The following KLHL4 variants were observed in gnomAD, a reference collection of about 807,000 sequenced individuals.
The protein encoded by KLHL4 is kelch-like protein 4.
Under a neutral mutation model 45.8 loss-of-function variants are expected in KLHL4, and 17 were observed. That is an observed-to-expected ratio of 0.37 (90% CI 0.25 to 0.56). The LOEUF (loss-of-function observed/expected upper bound fraction) is 0.56. KLHL4 is among the 20% of genes least tolerant of loss of function. The pLI, the probability that KLHL4 is intolerant of heterozygous loss-of-function variation, is 0.79. For synonymous variants in KLHL4, 224 were observed against 189.9 expected (o/e 1.18, Z -1.47); for missense variants, 544 against 544.9 (o/e 1.00, Z 0.02).
In KLHL4 at chrX:87,569,186, T is replaced by C. The variant is rs192736159; in HGVS notation, c.423-44691T>C. Among the ~76,000 whole-genome samples the C allele has an allele frequency of 3.2e-4, 36 of 111,721 alleles. No homozygotes were observed. In the East Asian group the frequency reaches 3.4e-3, roughly 11 times the overall value. On this transcript the variant is annotated intron_variant, in intron 1 of 10. Transcript: ENST00000373119. Reference sequence around the variant, plus strand: ...AGGATTCATTTCTTCAACGAAGATATACAAATGAGCAACAAGCACATTTAA... The same window carrying C: ...AGGATTCATTTCTTCAACGAAGATACACAAATGAGCAACAAGCACATTTAA...
At chrX:87,562,426 C>G (rs1035199469) in intron 1 of KLHL4, among the ~76,000 whole-genome samples, 3 of 110,320 alleles carry the variant, frequency 2.7e-5, no homozygotes, top group Admixed American at 9.7e-5. Context: ...TCACTACCTG[C>G]TGACTAAAAA....
At chrX:87,620,091 G>T (rs1922699344) in intron 4 of KLHL4, among the ~76,000 whole-genome samples, 1 of 111,245 alleles carries the variant, frequency 9.0e-6, no homozygotes. Flanking sequence ...ACCCAGTCAA[G>T]TTCATACATA....
intron 1 of KLHL4, among the ~76,000 whole-genome samples, chrX:87,602,420 A>G (rs766576638): frequency 9.0e-6 from 1 of 111,604 alleles, no homozygotes; most frequent in Admixed American, 9.5e-5. Context: ...TTCACAGTAA[A>G]TGTCCAATAT....
At chrX:87,533,936 G>A (rs714536) in intron 1 of KLHL4, among the ~76,000 whole-genome samples, 28,543 of 109,677 alleles carry the variant, frequency 0.26, 3,104 homozygotes, top group East Asian at 0.54. Flanking sequence ...ATTGAAACCA[G>A]GTTATTAAGT....
At chrX:87,607,986 C>A (rs151052158) in intron 1 of KLHL4, among the ~76,000 whole-genome samples, 733 of 111,485 alleles carry the variant, frequency 6.6e-3, no homozygotes, top group Non-Finnish European at 0.011. Context: ...ATAGGTATCA[C>A]CAACTTGATA....
intron 1 of KLHL4, among the ~76,000 whole-genome samples, chrX:87,573,862 T>C (rs777435241): frequency 9.0e-4 from 101 of 111,783 alleles, no homozygotes; most frequent in African/African-American, 3.1e-3. Context: ...TTTGTCTTCA[T>C]AGGTATAACA....
intron 1 of KLHL4, among the ~76,000 whole-genome samples, chrX:87,528,133 T>A (rs907288567): frequency 5.4e-5 from 6 of 111,230 alleles, no homozygotes; most frequent in Non-Finnish European, 1.1e-4. Context: ...TTCAAACAAA[T>A]GATTCAGAAA....
chrX:87,600,350 G>A (rs1053981124), intron 1 of KLHL4, among the ~76,000 whole-genome samples: 4 of 110,845 alleles, frequency 3.6e-5, no homozygotes, highest in Non-Finnish European at 7.6e-5. Context: ...CGGGCGTGGT[G>A]GCGGGCACCT....
At chrX:87,600,470 G>A (rs1347298822) in intron 1 of KLHL4, among the ~76,000 whole-genome samples, 5 of 85,432 alleles carry the variant, frequency 5.9e-5, no homozygotes, top group African/African-American at 2.3e-4. Flanking sequence ...GCGACAGAAC[G>A]AGACTTCGTC....
At chrX:87,644,521 G>A (rs1274955311) in intron 9 of KLHL4, among the ~76,000 whole-genome samples, 1 of 110,531 alleles carries the variant, frequency 9.0e-6, no homozygotes, top group Non-Finnish European at 1.9e-5. Flanking sequence ...CACCAAAATA[G>A]CACCATTATT....
At chrX:87,543,690 C>T (rs1931614018) in intron 1 of KLHL4, among the ~76,000 whole-genome samples, 2 of 111,470 alleles carry the variant, frequency 1.8e-5, no homozygotes, top group Admixed American at 9.5e-5. Context: ...GGGGAATCAT[C>T]AGTCCCAGGG....
At chrX:87,546,854 C>A (rs1931694687) in intron 1 of KLHL4, among the ~76,000 whole-genome samples, 1 of 112,871 alleles carries the variant, frequency 8.9e-6, no homozygotes, top group African/African-American at 3.2e-5. Context: ...GACTGCCCTG[C>A]TGGATTTCAG....
chrX:87,630,528 A>G (rs1923064257), intron 6 of KLHL4, among the ~76,000 whole-genome samples: 1 of 111,561 alleles, frequency 9.0e-6, no homozygotes, highest in Admixed American at 9.6e-5. Context: ...TACTATATAG[A>G]TGTAAAAAAT....
intron 1 of KLHL4, among the ~76,000 whole-genome samples, chrX:87,579,267 G>T (rs1241742901): frequency 9.0e-6 from 1 of 111,084 alleles, no homozygotes; most frequent in Non-Finnish European, 1.9e-5. Context: ...ATACACAGCA[G>T]TACAGAGAAA....
chrX:87,615,064 A>T (rs5922466), intron 3 of KLHL4, among the ~76,000 whole-genome samples: 41,946 of 110,011 alleles, frequency 0.38, 6,139 homozygotes, highest in Middle Eastern at 0.47. Flanking sequence ...AGAATGATTA[A>T]TTCATCCTCA....
intron 1 of KLHL4, among the ~76,000 whole-genome samples, chrX:87,595,771 A>G (rs1921821911): frequency 9.0e-6 from 1 of 111,721 alleles, no homozygotes; most frequent in South Asian, 3.7e-4. Context: ...AATTCAAATT[A>G]GTACCCAATT....
rs747711791 is a variant in KLHL4, at chrX:87,555,803, G to A, written c.422+37488G>A. On this transcript the variant is annotated intron_variant, in intron 1 of 10. Coordinates refer to ENST00000373119, the MANE Select transcript of KLHL4 (RefSeq NM_019117.5). Reference sequence around the variant, plus strand: ...TCTTGCTTTTCTAGTTCTTTTAATTGTGATGTTAGTGTGTCAATTTTGGAT... The same window carrying A: ...TCTTGCTTTTCTAGTTCTTTTAATTATGATGTTAGTGTGTCAATTTTGGAT... 3.7e-5 allele frequency among the ~76,000 whole-genome samples: 4 copies of A among 109,348 alleles called. No homozygotes were observed. In the South Asian group the frequency reaches 1.7e-3, roughly 45 times the overall value. The allele number at this position is 109,348 out of a possible 115,157, so 95.0% of individuals were successfully genotyped here.
chrX:87,555,337 C>T (rs1206499344), intron 1 of KLHL4, among the ~76,000 whole-genome samples: 1 of 110,429 alleles, frequency 9.1e-6, no homozygotes, highest in Non-Finnish European at 1.9e-5. Flanking sequence ...GGCTTTGAAT[C>T]CATCTGGTCC....
chrX:87,584,314 T>C (rs1921386329), intron 1 of KLHL4, among the ~76,000 whole-genome samples: 1 of 111,874 alleles, frequency 8.9e-6, no homozygotes, highest in Non-Finnish European at 1.9e-5. Flanking sequence ...AAAGAACATC[T>C]ACCAGCATCA....
Sources: gnomAD v4.1 joint callset for allele counts (sites outside exome capture counted in the v4.1 genomes callset) on GRCh38, gnomAD v4.1.1 for gene constraint, MANE v1.5 for transcripts, NCBI Gene and HGNC (gene_info 2026-07-23, HGNC 2026-07-21) for gene names.